HERC6: variants seen among roughly 807,000 people sequenced by gnomAD.
HERC6 encodes the protein probable E3 ubiquitin-protein ligase HERC6.
Under a neutral mutation model 114.5 loss-of-function variants are expected in HERC6, and 101 were observed. The ratio of observed to expected loss-of-function variants is 0.88; its 90% CI spans 0.75 to 1.04. HERC6 has a LOEUF of 1.04. Among genes scored for constraint, HERC6 ranks in the 50% least tolerant of loss-of-function variants. The pLI is 0.00. For synonymous variants in HERC6, 408 were observed against 436.2 expected, an observed-to-expected ratio of 0.94 and a Z score of 0.81; for missense variants, 1,133 against 1,230.9, an observed-to-expected ratio of 0.92 and a Z score of 1.19.
chr4:88,438,029 A>C (rs1462220549), intron 20 of HERC6, among the ~76,000 whole-genome samples: 1 of 145,810 alleles, frequency 6.9e-6, no homozygotes, highest in South Asian at 2.3e-4. Context: ...GCTACTAAGG[A>C]GGCTGAGGAT....
chr4:88,396,085 G>A lies in HERC6; in HGVS notation c.830G>A (p.Arg277Lys). Residue 277 changes from arginine (R) to lysine (K), a missense_variant, in exon 6 of 23, where the codon AGA becomes AAA. Arg to Lys is a conservative substitution (Grantham distance 26, BLOSUM62 2). This residue lies in a region of HERC6 where 735 missense variants were observed against 754.0 expected (regional missense o/e 0.97). Transcript: ENST00000264346. The stretch of plus-strand genomic sequence containing the variant: ...GGATACAGCCCCACTCCTGAGAAGA[G>A]AGGTCCACAACTTGTGGAAAGAATT... ...QLGYSPTPEK[R>K]GPQLVERIDG... 6.2e-7 allele frequency: 1 copy of A among 1,609,180 alleles called. No homozygotes were observed. The highest frequency in any genetic ancestry group is 1.7e-4 in the Middle Eastern group (1 of 6,046).
At chr4:88,403,454 A>G (rs1276656736) in intron 8 of HERC6, among the ~76,000 whole-genome samples, 1 of 152,180 alleles carries the variant, frequency 6.6e-6, no homozygotes, top group African/African-American at 2.4e-5. Flanking sequence ...ACTATAATTG[A>G]ATCTTAAGAA....
chr4:88,391,098 G>A (rs996268547), intron 4 of HERC6, among the ~76,000 whole-genome samples: 4 of 152,136 alleles, frequency 2.6e-5, no homozygotes, highest in African/African-American at 9.7e-5. Flanking sequence ...TGTAGTTCTG[G>A]AGGTCAGGAT....
In HERC6 at chr4:88,436,431, G is replaced by A. The variant is rs1738747853; in HGVS notation, c.2418-474G>A. ...GTGAGAATATATTGGCTAGATGTGT[G>A]CTGGAGCAGGGGTTCTCAGCCTTGG... On this transcript the variant is annotated intron_variant, in intron 18 of 22. Transcript: ENST00000264346. Among the ~76,000 whole-genome samples the A allele has an allele frequency of 2.6e-5, 4 of 152,198 alleles. No individual in the cohort carries two copies. In the South Asian group the frequency reaches 8.3e-4, roughly 32 times the overall value.
chr4:88,394,321 A>C (rs1578377070), intron 5 of HERC6, among the ~76,000 whole-genome samples: 1 of 151,248 alleles, frequency 6.6e-6, no homozygotes, highest in East Asian at 2.0e-4. Context: ...AAAAATACAA[A>C]AATTAGCTGG....
intron 14 of HERC6, 121 bp from the exon 15 acceptor site, chr4:88,424,474 G>T (rs1347514981): frequency 2.7e-6 from 2 of 748,474 alleles, no homozygotes; most frequent in Non-Finnish European, 4.5e-6. Context: ...ACAAGACTCT[G>T]CCTTAAAAAA....
chr4:88,394,257 G>C (rs564662291), intron 5 of HERC6, among the ~76,000 whole-genome samples: 2 of 151,892 alleles, frequency 1.3e-5, no homozygotes, highest in Non-Finnish European at 2.9e-5. Flanking sequence ...GGCAGATCAC[G>C]AGGTCAGGAG....
intron 19 of HERC6, 81 bp downstream of exon 19, chr4:88,437,052 T>C: frequency 9.2e-7 from 1 of 1,084,300 alleles, no homozygotes; most frequent in South Asian, 1.6e-5. Flanking sequence ...ATCTTAAATT[T>C]GGGATCCCTT....
intron 17 of HERC6, among the ~76,000 whole-genome samples, chr4:88,431,759 G>C (rs538168436): frequency 1.3e-5 from 2 of 152,268 alleles, no homozygotes; most frequent in South Asian, 4.1e-4. Flanking sequence ...TGTATTTTTA[G>C]TAGAGACGGC....
chr4:88,396,273 T>C (rs1006208829), intron 6 of HERC6, 131 bp downstream of exon 6: 18 of 635,870 alleles, frequency 2.8e-5, no homozygotes, highest in Non-Finnish European at 4.2e-5. Context: ...ATTTCAAATA[T>C]AGTTTAATTT....
chr4:88,423,585 T>G (rs1034187823), intron 13 of HERC6, among the ~76,000 whole-genome samples: 7 of 152,212 alleles, frequency 4.6e-5, no homozygotes, highest in African/African-American at 1.4e-4. Flanking sequence ...TCTCAAAATC[T>G]AGAAACTATT....
chr4:88,410,627 G>T (rs947916209), intron 11 of HERC6, among the ~76,000 whole-genome samples: 6 of 152,116 alleles, frequency 3.9e-5, no homozygotes, highest in Non-Finnish European at 7.4e-5. Flanking sequence ...CATATTGGGG[G>T]TTAGGATTTT....
rs764042841 is a variant in HERC6 at position 88,442,256 on chromosome 4, G to C, written c.2865G>C (p.Arg955Ser). ...KFLFFLTGRD[R>S]LHARGIQKME... ...TAGTTTTCCTTACAGGACGTGATAG[G>C]CTGCATGCAAGAGGCATACAGAAAA... The change falls in exon 23 of 23, where the codon AGG becomes AGC. Residue 955 changes from arginine (R) to serine (S), a missense_variant. Physicochemically the swap from Arg to Ser is moderately radical, Grantham distance 110. Coordinates refer to ENST00000264346, the MANE Select transcript of HERC6 (RefSeq NM_017912.4). 1.2e-6 allele frequency: 2 copies of C among 1,611,744 alleles called. No individual in the cohort carries two copies. The highest frequency in any genetic ancestry group is 2.2e-5 in the South Asian group (2 of 90,604).
chr4:88,398,519 A>G (rs749264429), intron 8 of HERC6: 5 of 201,814 alleles, frequency 2.5e-5, no homozygotes, highest in South Asian at 1.1e-4. Flanking sequence ...AGCTGTTTCC[A>G]TCTTCAGGAG....
chr4:88,430,305 C>G (rs1296539704), intron 16 of HERC6, among the ~76,000 whole-genome samples: 2 of 151,986 alleles, frequency 1.3e-5, no homozygotes, highest in African/African-American at 4.8e-5. Context: ...AAAAGAGGGA[C>G]TGGGGCCAGG....
At chr4:88,437,666 C>A in intron 19 of HERC6, 45 bp from the exon 20 acceptor site, 1 of 1,253,256 alleles carries the variant, frequency 8.0e-7, no homozygotes, top group South Asian at 1.3e-5. Context: ...GTTGATTATT[C>A]AAACTTACTT....
At chr4:88,424,076 T>C in intron 14 of HERC6, 103 bp downstream of exon 14, 1 of 583,490 alleles carries the variant, frequency 1.7e-6, no homozygotes, top group East Asian at 3.5e-5. Flanking sequence ...GATTTGAAAA[T>C]TTTTTAATTG....
chr4:88,408,605 G>A lies in HERC6; in HGVS notation c.1356G>A (p.Trp452Ter), dbSNP rs753607399. ...DTFKKLTKKE[W>*]ISSMITTCLE... ...TCAAGAAGTTAACAAAAAAGGAATGGATTTCTTCCATGGTAATAGCCAATA... is the reference window on the plus strand; with the variant it reads ...TCAAGAAGTTAACAAAAAAGGAATGAATTTCTTCCATGGTAATAGCCAATA... Residue 452 changes from tryptophan to a stop codon, truncating the protein, a stop_gained, in exon 11 of 23, where the codon TGG becomes TGA. Transcript: ENST00000264346. LOFTEE classifies it high-confidence loss of function. 8.2e-6 allele frequency: 13 copies of A among 1,575,992 alleles called. No homozygotes were observed. The highest frequency in any genetic ancestry group is 8.6e-6 in the Non-Finnish European group (10 of 1,156,776).
At chr4:88,431,558 C>G (rs909304515) in intron 17 of HERC6, among the ~76,000 whole-genome samples, 59 of 152,108 alleles carry the variant, frequency 3.9e-4, no homozygotes, top group African/African-American at 1.4e-3. Context: ...TTAGGTGATT[C>G]ACATGCACGT....
Sources: gnomAD v4.1 joint callset for allele counts (sites outside exome capture counted in the v4.1 genomes callset) on GRCh38, gnomAD v4.1.1 for gene constraint, gnomAD v4.1.1 regional missense constraint, MANE v1.5 for transcripts, NCBI Gene and HGNC (gene_info 2026-07-23, HGNC 2026-07-21) for gene names.